CEP89: variants seen among roughly 807,000 people sequenced by gnomAD.
CEP89 encodes centrosomal protein of 89 kDa.
CEP89 carries 95 observed loss-of-function variants against 97.6 expected under a neutral mutation model. The observed-to-expected ratio is 0.97, with a 90% CI of 0.82 to 1.15. The LOEUF is 1.15. CEP89 is among the 50% of genes most tolerant of loss of function. The pLI, the probability that CEP89 is intolerant of heterozygous loss-of-function variation, is 0.00. For missense variants in CEP89, 869 were observed against 947.7 expected (o/e 0.92, Z 1.09); for synonymous variants, 354 against 349.1 (o/e 1.01, Z -0.16).
chr19:32,948,425 A>G (rs1970843824), intron 4 of CEP89, 57 bp from the exon 5 acceptor site: 1 of 1,025,060 alleles, frequency 9.8e-7, no homozygotes, highest in Non-Finnish European at 1.5e-6. Flanking sequence ...CTTTATATAC[A>G]GCATGTCCTC....
Position 32,881,911 on chromosome 19 carries a change from T to A in CEP89, c.2068A>T (p.Met690Leu). Reference sequence around the variant, plus strand: ...TTCAGCACCTGGTGCAGGTGCCGCATCTCCTGCCGGTACTGGGCTGTCTTG... The same window carrying A: ...TTCAGCACCTGGTGCAGGTGCCGCAACTCCTGCCGGTACTGGGCTGTCTTG... ...AGKTAQYRQE[M>L]RHLHQVLKDK... Residue 690 changes from methionine (M) to leucine (L), a missense_variant, in exon 18 of 19, where the codon ATG becomes TTG. Met to Leu is a conservative substitution (Grantham distance 15). Coordinates refer to ENST00000305768, the MANE Select transcript of CEP89 (RefSeq NM_032816.5). The A allele has an allele frequency of 1.2e-6, 2 of 1,605,852 alleles. No homozygotes were observed. The highest frequency in any genetic ancestry group is 1.1e-5 in the South Asian group (1 of 89,788).
Position 32,891,204 on chromosome 19 carries a change from A to G in CEP89, c.1876-3363T>C, listed in dbSNP as rs75195087. On this transcript the variant is annotated intron_variant, in intron 16 of 18. Transcript: ENST00000305768. ...CAGCCGCAGAGCCCTGCGCACGTGC[A>G]TGTGCCCTGAAGACAGGCTTCCCCT... is the stretch of plus-strand genomic sequence containing the variant. 1.8e-3 allele frequency among the ~76,000 whole-genome samples: 271 copies of G among 152,282 alleles called. 1 individual carries two copies. The highest frequency in any genetic ancestry group is 6.2e-3 in the African/African-American group (257 of 41,558).
intron 7 of CEP89, chr19:32,937,197 A>G (rs1970597057): frequency 2.0e-5 from 4 of 196,718 alleles, no homozygotes; most frequent in African/African-American, 9.6e-5. Context: ...TAACCCATAA[A>G]GCATCTCTAG....
chr19:32,931,232 G>C, intron 9 of CEP89, 197 bp downstream of exon 9: 1 of 560,846 alleles, frequency 1.8e-6, no homozygotes. Flanking sequence ...ATGTTTTACA[G>C]TCTTTATTGC....
At chr19:32,919,011 A>G (rs1970193248) in intron 12 of CEP89, among the ~76,000 whole-genome samples, 1 of 151,258 alleles carries the variant, frequency 6.6e-6, no homozygotes. Context: ...CAGCCTCCCA[A>G]GTAGCTGGGA....
At chr19:32,922,772 C>T (rs548689741) in intron 12 of CEP89, among the ~76,000 whole-genome samples, 1 of 151,464 alleles carries the variant, frequency 6.6e-6, no homozygotes, top group Non-Finnish European at 1.5e-5. Flanking sequence ...CGCTTGAATC[C>T]AGGAAGCAGA....
intron 5 of CEP89, among the ~76,000 whole-genome samples, chr19:32,945,921 G>A (rs1426753512): frequency 2.6e-5 from 4 of 152,110 alleles, no homozygotes; most frequent in Admixed American, 1.3e-4. Context: ...TTGGCCACCC[G>A]GCAGGCCACA....
chr19:32,934,793 G>T (rs2145932617), intron 7 of CEP89, among the ~76,000 whole-genome samples: 1 of 152,212 alleles, frequency 6.6e-6, no homozygotes, highest in South Asian at 2.1e-4. Context: ...TGCCCTGGTA[G>T]GAGTGGAGAC....
At chr19:32,928,041 G>C (rs180684442) in intron 9 of CEP89, among the ~76,000 whole-genome samples, 1 of 148,040 alleles carries the variant, frequency 6.8e-6, no homozygotes, top group Non-Finnish European at 1.5e-5. Context: ...TCAGCCTCCC[G>C]AGTAGCTGGG....
intron 12 of CEP89, among the ~76,000 whole-genome samples, chr19:32,921,829 C>T (rs1218170668): frequency 6.6e-6 from 1 of 152,172 alleles, no homozygotes; most frequent in African/African-American, 2.4e-5. Context: ...GCCAGTCCCA[C>T]CTGACGCATC....
Position 32,902,008 on chromosome 19 carries a change from C to CTGTGTGTGTGTGTGTG in CEP89, c.1566-597_1566-596insCACACACACACACACA, listed in dbSNP as rs1265424963. 7.3e-3 allele frequency among the ~76,000 whole-genome samples: 729 copies of CTGTGTGTGTGTGTGTG among 99,498 alleles called. 2 individuals carry two copies. The highest frequency in any genetic ancestry group is 0.033 in the African/African-American group (699 of 21,144). The allele number at this position is 99,498 out of a possible 152,430, so 65.3% of individuals were successfully genotyped here. A position where few individuals can be genotyped will look rare whatever the true frequency, so the allele number is the denominator to read the frequency against. ...TCTCTGTCTCTCTGTCTCTCTCTCT[C>CTGTGTGTGTGTGTGTG]TCTGTGTGTGTGTGTGTGTGTGTGT... On this transcript the variant is annotated intron_variant, in intron 14 of 18. Transcript: ENST00000305768.
At chr19:32,890,968 C>T (rs1040141131) in intron 16 of CEP89, among the ~76,000 whole-genome samples, 1 of 152,194 alleles carries the variant, frequency 6.6e-6, no homozygotes, top group South Asian at 2.1e-4. Flanking sequence ...CCACATGCAC[C>T]CGGAAGGCTG....
chr19:32,899,195 G>C (rs1182093260), intron 16 of CEP89, among the ~76,000 whole-genome samples: 1 of 148,598 alleles, frequency 6.7e-6, no homozygotes, highest in Non-Finnish European at 1.5e-5. Flanking sequence ...CAGTAGTACA[G>C]TCATAGCTCA....
At chr19:32,902,012 G>C (rs7256644) in intron 14 of CEP89, among the ~76,000 whole-genome samples, 30,925 of 96,094 alleles carry the variant, frequency 0.32, 3,247 homozygotes, top group Admixed American at 0.41. Context: ...CTCTCTCTCT[G>C]TGTGTGTGTG....
chr19:32,918,831 C>T (rs1970184784), intron 12 of CEP89, among the ~76,000 whole-genome samples: 1 of 151,802 alleles, frequency 6.6e-6, no homozygotes, highest in Admixed American at 6.6e-5. Flanking sequence ...AAAAAACTGA[C>T]TCTGTTAGCA....
chr19:32,923,266 G>C (rs552495972), intron 12 of CEP89, among the ~76,000 whole-genome samples, 173 bp downstream of exon 12: 1 of 152,208 alleles, frequency 6.6e-6, no homozygotes, highest in Non-Finnish European at 1.5e-5. Flanking sequence ...TCTTGAAAAT[G>C]TAAGTTTAGA....
chr19:32,939,366 C>T (rs1477874936), intron 6 of CEP89, among the ~76,000 whole-genome samples: 3 of 152,042 alleles, frequency 2.0e-5, no homozygotes, highest in Non-Finnish European at 4.4e-5. Flanking sequence ...TGGAAAATAT[C>T]AATTTCCTCA....
In CEP89 at chr19:32,877,076, C is replaced by T. The variant is rs200252724; in HGVS notation, c.*2086G>A. 3.9e-5 allele frequency: 6 copies of T among 152,308 alleles called. No homozygotes were observed. In the East Asian group the frequency reaches 1.2e-3, roughly 29 times the overall value. 9.4% of individuals were successfully genotyped at this position (152,308 alleles called of 1,614,324 possible). A position where few individuals can be genotyped will look rare whatever the true frequency, so the allele number is the denominator to read the frequency against. On this transcript the variant is annotated 3_prime_UTR_variant, in exon 19 of 19. Coordinates refer to ENST00000305768, the MANE Select transcript of CEP89 (RefSeq NM_032816.5). The stretch of plus-strand genomic sequence containing the variant: ...GGAGGCTGCAGAGCGGCCGTAAATG[C>T]CTTTGAAATAGCATCACAGTTATTT...
At chr19:32,930,673 A>G (rs1970453186) in intron 9 of CEP89, among the ~76,000 whole-genome samples, 1 of 152,204 alleles carries the variant, frequency 6.6e-6, no homozygotes, top group Non-Finnish European at 1.5e-5. Context: ...TGTAAGAGTA[A>G]GGACCTGAGC....
Sources: gnomAD v4.1 joint callset for allele counts (sites outside exome capture counted in the v4.1 genomes callset) on GRCh38, gnomAD v4.1.1 for gene constraint, MANE v1.5 for transcripts, NCBI Gene and HGNC (gene_info 2026-07-23, HGNC 2026-07-21) for gene names.